SCAMP1: variants seen among roughly 807,000 people sequenced by gnomAD.
The protein encoded by SCAMP1 is secretory carrier membrane protein 1, also known as secretory carrier-associated membrane protein 1.
A neutral mutation model predicts 41.8 loss-of-function variants in SCAMP1; 15 were observed. That is an observed-to-expected ratio of 0.36 (90% CI 0.24 to 0.55). The LOEUF (loss-of-function observed/expected upper bound fraction) is 0.55. Ranked by LOEUF, SCAMP1 falls within the 20% of genes least tolerant of loss-of-function variation. The pLI is 0.86. For missense variants in SCAMP1, 341 were observed against 412.6 expected (o/e 0.83, Z 1.50); for synonymous variants, 135 against 136.8 (o/e 0.99, Z 0.09).
At chr5:78,450,612 C>G (rs938476829) in intron 7 of SCAMP1, among the ~76,000 whole-genome samples, 5 of 152,190 alleles carry the variant, frequency 3.3e-5, no homozygotes, top group African/African-American at 1.2e-4. Context: ...TTAGGTCTCT[C>G]TTTACATTCT....
rs118112045 is a variant in SCAMP1 at position 78,470,463 on chromosome 5, C to T, written c.853-5041C>T. 3.3e-4 allele frequency among the ~76,000 whole-genome samples: 50 copies of T among 152,282 alleles called. No homozygotes were observed. In the East Asian group the frequency reaches 9.6e-3, roughly 29 times the overall value. ...GCTTCTTTCATTACCATAATGTTTT[C>T]AAGGTTCATCCGTGTTGCAGCATGT... On this transcript the variant is annotated intron_variant, in intron 8 of 8. Coordinates refer to ENST00000621999, the MANE Select transcript of SCAMP1 (RefSeq NM_004866.6).
intron 6 of SCAMP1, among the ~76,000 whole-genome samples, chr5:78,431,595 T>G (rs947148929): frequency 2.7e-5 from 4 of 150,344 alleles, no homozygotes; most frequent in Non-Finnish European, 4.4e-5. Context: ...CCCCTATTTC[T>G]TCATTATTTA....
intron 8 of SCAMP1, among the ~76,000 whole-genome samples, chr5:78,466,030 A>T (rs1056594959): frequency 2.6e-5 from 4 of 152,264 alleles, no homozygotes; most frequent in Non-Finnish European, 4.4e-5. Context: ...ACTGCGGCCT[A>T]GCCAAATTAA....
intron 1 of SCAMP1, among the ~76,000 whole-genome samples, chr5:78,376,715 A>G (rs1339491680): frequency 6.6e-6 from 1 of 152,210 alleles, no homozygotes; most frequent in Non-Finnish European, 1.5e-5. Context: ...TATTATGAAG[A>G]ATAGATTGGC....
chr5:78,444,767 A>C (rs1371711698), intron 6 of SCAMP1, among the ~76,000 whole-genome samples: 1 of 152,204 alleles, frequency 6.6e-6, no homozygotes, highest in African/African-American at 2.4e-5. Flanking sequence ...ACAGTATTAC[A>C]TGAGTGTAAT....
At chr5:78,468,320 T>G (rs1034389985) in intron 8 of SCAMP1, among the ~76,000 whole-genome samples, 1 of 152,208 alleles carries the variant, frequency 6.6e-6, no homozygotes, top group African/African-American at 2.4e-5. Context: ...TCAGATTATT[T>G]CCAAATGGTG....
chr5:78,459,719 A>G (rs1375824960), intron 8 of SCAMP1, among the ~76,000 whole-genome samples: 3 of 152,076 alleles, frequency 2.0e-5, no homozygotes, highest in Admixed American at 6.5e-5. Flanking sequence ...TTATTATGTG[A>G]TATGTACATT....
intron 1 of SCAMP1, among the ~76,000 whole-genome samples, chr5:78,376,276 T>C (rs1751063802): frequency 6.6e-6 from 1 of 152,222 alleles, no homozygotes; most frequent in South Asian, 2.1e-4. Flanking sequence ...ATATTTTACA[T>C]TGTTTTGCTA....
At chr5:78,443,414 C>G (rs1752977326) in intron 6 of SCAMP1, among the ~76,000 whole-genome samples, 1 of 151,908 alleles carries the variant, frequency 6.6e-6, no homozygotes, top group Non-Finnish European at 1.5e-5. Flanking sequence ...TGACATAGTG[C>G]TTGGCAAATA....
intron 1 of SCAMP1, among the ~76,000 whole-genome samples, chr5:78,362,066 A>T (rs1018239607): frequency 6.6e-6 from 1 of 151,880 alleles, no homozygotes; most frequent in African/African-American, 2.4e-5. Flanking sequence ...CCTTTCAGTG[A>T]CATGGTTGCA....
intron 1 of SCAMP1, among the ~76,000 whole-genome samples, chr5:78,384,752 AT>A (rs1751301323): frequency 6.6e-6 from 1 of 152,032 alleles, no homozygotes; most frequent in Non-Finnish European, 1.5e-5. Context: ...GGTGTATCAC[AT>A]TTATTGACTT....
intron 6 of SCAMP1, among the ~76,000 whole-genome samples, chr5:78,443,194 C>A (rs1752969059): frequency 9.1e-6 from 1 of 109,702 alleles, no homozygotes; most frequent in South Asian, 3.1e-4. Context: ...GCCTGGGCAA[C>A]AGAGCTAGAC....
intron 1 of SCAMP1, among the ~76,000 whole-genome samples, chr5:78,383,687 G>A (rs1316956406): frequency 6.6e-6 from 1 of 152,090 alleles, no homozygotes; most frequent in South Asian, 2.1e-4. Context: ...GTTGAATAGG[G>A]TGTCCTTTCT....
chr5:78,380,634 A>G (rs1292902569), intron 1 of SCAMP1, among the ~76,000 whole-genome samples: 5 of 152,198 alleles, frequency 3.3e-5, no homozygotes, highest in Admixed American at 6.5e-5. Context: ...TGCTGCTATT[A>G]TCTTGAAGAA....
intron 7 of SCAMP1, among the ~76,000 whole-genome samples, chr5:78,451,391 C>T (rs1040692444): frequency 6.6e-6 from 1 of 152,184 alleles, no homozygotes; most frequent in Admixed American, 6.5e-5. Flanking sequence ...AAGATCTTGA[C>T]ATTGATAGTA....
At chr5:78,365,524 T>C (rs1750774405) in intron 1 of SCAMP1, among the ~76,000 whole-genome samples, 1 of 151,348 alleles carries the variant, frequency 6.6e-6, no homozygotes, top group African/African-American at 2.4e-5. Context: ...CTCTATATGC[T>C]TAGCTATGAA....
At chr5:78,360,916 TG>T (rs1394710596) in intron 1 of SCAMP1, 188 bp downstream of exon 1, 4 of 597,552 alleles carry the variant, frequency 6.7e-6, no homozygotes, top group Non-Finnish European at 1.2e-5. Flanking sequence ...TTTTGGGGCT[TG>T]GGGGTGGAAC....
intron 6 of SCAMP1, among the ~76,000 whole-genome samples, chr5:78,423,502 A>G (rs1358238730): frequency 1.3e-5 from 2 of 152,138 alleles, no homozygotes; most frequent in Non-Finnish European, 2.9e-5. Context: ...CCAATATGTT[A>G]TCGATCTGTG....
chr5:78,389,227 A>G (rs1445765012), intron 2 of SCAMP1, among the ~76,000 whole-genome samples: 1 of 152,184 alleles, frequency 6.6e-6, no homozygotes, highest in Non-Finnish European at 1.5e-5. Flanking sequence ...ATTTCTTGGT[A>G]TACATGTTGT....
Sources: allele counts gnomAD v4.1 joint callset (sites outside exome capture counted in the v4.1 genomes callset), GRCh38; gene constraint gnomAD v4.1.1; transcripts MANE v1.5; gene names NCBI Gene and HGNC (gene_info 2026-07-23, HGNC 2026-07-21).